Variants in NCALD observed in about 807,000 individuals in gnomAD.
The protein encoded by NCALD is neurocalcin-delta.
A neutral mutation model predicts 18.6 loss-of-function variants in NCALD; 10 were observed. That is an observed-to-expected ratio of 0.54 (90% CI 0.33 to 0.91). The LOEUF (loss-of-function observed/expected upper bound fraction) is 0.91. NCALD is among the 40% of genes least tolerant of loss of function. The pLI, the probability that NCALD is intolerant of heterozygous loss-of-function variation, is 0.03. For missense variants in NCALD, 184 were observed against 247.6 expected (o/e 0.74, Z 1.72); for synonymous variants, 88 against 87.4 (o/e 1.01, Z -0.04).
chr8:102,004,963 G>C (rs1417752984), intron 2 of NCALD, among the ~76,000 whole-genome samples: 1 of 152,220 alleles, frequency 6.6e-6, no homozygotes, highest in Non-Finnish European at 1.5e-5. Context: ...TCAGGACATA[G>C]TCGTGGGCAA....
chr8:102,031,263 T>C (rs1268974562), intron 1 of NCALD, among the ~76,000 whole-genome samples: 3 of 151,924 alleles, frequency 2.0e-5, no homozygotes, highest in Admixed American at 6.6e-5. Flanking sequence ...CATCCACAGA[T>C]AAACGATAAG....
rs1586667693 is a variant in NCALD at position 101,871,816 on chromosome 8, T to C, written c.-20+15325A>G. 2.2e-5 allele frequency: 9 copies of C among 412,526 alleles called. No homozygotes were observed. The East Asian group carries it at 3.8e-4, about 17-fold the overall frequency. The allele number at this position is 412,526 out of a possible 1,614,324, so 25.6% of individuals were successfully genotyped here. A position where few individuals can be genotyped will look rare whatever the true frequency, so the allele number is the denominator to read the frequency against. On this transcript the variant is annotated intron_variant, in intron 4 of 6. Coordinates refer to the NCALD transcript ENST00000311028. ...TGTCACAAGAAAGTTCAGCATGTGA[T>C]AGCAGCTGCAGCCTCAGTCACCCTT...
In NCALD at chr8:101,924,276, C is replaced by A. The variant is rs190620945; in HGVS notation, c.-156-8418G>T. On this transcript the variant is annotated intron_variant, in intron 2 of 6. Transcript: ENST00000311028. ...TAACCATCCTATCAGTCAGCCATAT[C>A]ATCCATTCACGCTAATGGTGAATGA... is the stretch of plus-strand genomic sequence containing the variant. Among the ~76,000 whole-genome samples the A allele has an allele frequency of 1.1e-4, 17 of 152,334 alleles. No individual in the cohort carries two copies. In the East Asian group the frequency reaches 3.3e-3, roughly 29 times the overall value.
intron 3 of NCALD, among the ~76,000 whole-genome samples, chr8:101,914,749 T>C (rs1418632808): frequency 6.6e-6 from 1 of 152,244 alleles, no homozygotes; most frequent in Non-Finnish European, 1.5e-5. Context: ...ACAACCATCA[T>C]TGCGGATTTT....
chr8:101,824,026 C>T (rs1019825428), intron 4 of NCALD, among the ~76,000 whole-genome samples: 81 of 152,292 alleles, frequency 5.3e-4, no homozygotes, highest in African/African-American at 1.9e-3. Flanking sequence ...TTATCCTGAA[C>T]AAAATGTCAT....
intron 1 of NCALD, among the ~76,000 whole-genome samples, chr8:101,769,195 T>G (rs1253936976): frequency 6.6e-6 from 1 of 152,218 alleles, no homozygotes; most frequent in Non-Finnish European, 1.5e-5. Flanking sequence ...AATAATCAAT[T>G]TGTTGTTTTT....
chr8:101,915,709 T>G, intron 3 of NCALD: 1 of 152,334 alleles, frequency 6.6e-6, no homozygotes, highest in East Asian at 1.9e-4. Context: ...GCTACTATTC[T>G]TGATAAAACA....
intron 2 of NCALD, among the ~76,000 whole-genome samples, chr8:101,714,939 G>T (rs1171326095): frequency 6.7e-6 from 1 of 150,040 alleles, no homozygotes; most frequent in African/African-American, 2.5e-5. Context: ...GGAGCTTGCA[G>T]TGAGCCGAGA....
chr8:102,108,322 G>A (rs368379722), intron 1 of NCALD, among the ~76,000 whole-genome samples: 9 of 152,188 alleles, frequency 5.9e-5, no homozygotes, highest in African/African-American at 1.9e-4. Flanking sequence ...TTGACCAGTC[G>A]AGTAACCTAA....
chr8:101,979,273 A>T (rs1263664456), intron 2 of NCALD, among the ~76,000 whole-genome samples: 1 of 125,920 alleles, frequency 7.9e-6, no homozygotes, highest in Non-Finnish European at 1.5e-5. Flanking sequence ...AACAAGGCTC[A>T]TAAGGCCAGC....
rs527442105 is a variant in NCALD at position 101,728,802 on chromosome 8, A to G, written c.-19-9154T>C. 3.9e-5 allele frequency among the ~76,000 whole-genome samples: 6 copies of G among 152,270 alleles called. No homozygotes were observed. In the East Asian group the frequency reaches 1.2e-3, roughly 29 times the overall value. On this transcript the variant is annotated intron_variant, in intron 1 of 3. Coordinates refer to ENST00000220931, the MANE Select transcript of NCALD (RefSeq NM_032041.3). ...ACCACTGCACTCCAGTCTGGGCAACAGAGCGAGACTCCATCTCAAAACAAA... is the reference window on the plus strand; with the variant it reads ...ACCACTGCACTCCAGTCTGGGCAACGGAGCGAGACTCCATCTCAAAACAAA...
chr8:101,693,754 C>T (rs1037690562), intron 2 of NCALD: 10 of 152,306 alleles, frequency 6.6e-5, no homozygotes, highest in African/African-American at 2.2e-4. Flanking sequence ...AGACATGTAA[C>T]ACTCTGTAAG....
chr8:101,897,260 G>A (rs919753338), intron 3 of NCALD, among the ~76,000 whole-genome samples: 8 of 148,522 alleles, frequency 5.4e-5, no homozygotes, highest in East Asian at 2.0e-4. Context: ...GTAAACTATC[G>A]CAAGAACAAA....
intron 3 of NCALD, among the ~76,000 whole-genome samples, chr8:101,911,169 A>C (rs1817780460): frequency 6.6e-6 from 1 of 151,992 alleles, no homozygotes; most frequent in South Asian, 2.1e-4. Flanking sequence ...AATGCTGAAT[A>C]ACAATTCTTT....
At chr8:101,767,242 C>T (rs1054528241) in intron 1 of NCALD, among the ~76,000 whole-genome samples, 4 of 152,116 alleles carry the variant, frequency 2.6e-5, no homozygotes, top group African/African-American at 9.7e-5. Context: ...AAAAATACTG[C>T]AAGTAATAAG....
intron 2 of NCALD, among the ~76,000 whole-genome samples, chr8:101,966,375 G>T (rs998406002): frequency 6.6e-6 from 1 of 151,020 alleles, no homozygotes; most frequent in African/African-American, 2.4e-5. Flanking sequence ...GCAAACTATC[G>T]CAGGGACCAA....
At chr8:101,854,434 A>T (rs1277603423) in intron 4 of NCALD, among the ~76,000 whole-genome samples, 1 of 152,112 alleles carries the variant, frequency 6.6e-6, no homozygotes, top group Non-Finnish European at 1.5e-5. Context: ...TGGGTCAGAA[A>T]GCTCCTACAT....
At chr8:101,880,765 A>T (rs532473711) in intron 4 of NCALD, among the ~76,000 whole-genome samples, 6 of 152,352 alleles carry the variant, frequency 3.9e-5, no homozygotes, top group Admixed American at 3.3e-4. Context: ...GTGGATTAGA[A>T]TTTGAGGGGT....
intron 2 of NCALD, among the ~76,000 whole-genome samples, chr8:102,015,897 T>C (rs1189705486): frequency 2.6e-5 from 4 of 152,128 alleles, no homozygotes; most frequent in Non-Finnish European, 5.9e-5. Flanking sequence ...CCCAGCTCTC[T>C]CTCAAGCTTG....
Sources: allele counts gnomAD v4.1 joint callset (sites outside exome capture counted in the v4.1 genomes callset), GRCh38; gene constraint gnomAD v4.1.1; transcripts MANE v1.5; gene names NCBI Gene and HGNC (gene_info 2026-07-23, HGNC 2026-07-21).